CTNNA2: variants seen among roughly 807,000 people sequenced by gnomAD.
CTNNA2 encodes catenin alpha-2.
Under a neutral mutation model 101.0 loss-of-function variants are expected in CTNNA2, and 42 were observed. The observed-to-expected ratio is 0.42, with a 90% confidence interval of 0.32 to 0.54. The LOEUF (loss-of-function observed/expected upper bound fraction) is 0.54. Ranked by LOEUF, CTNNA2 falls within the 20% of genes least tolerant of loss-of-function variation. The probability of loss-of-function intolerance (pLI) is 0.14; values close to 1 mark genes in which losing one functional copy is unlikely to be tolerated. For missense variants in CTNNA2, 871 were observed against 1,223.1 expected, an observed-to-expected ratio of 0.71 and a Z score of 4.29; for synonymous variants, 450 against 456.4, an observed-to-expected ratio of 0.99 and a Z score of 0.18.
chr2:79,775,309 T>G (rs1251347266), intron 3 of CTNNA2, among the ~76,000 whole-genome samples: 2 of 152,202 alleles, frequency 1.3e-5, no homozygotes, highest in African/African-American at 4.8e-5. Context: ...TTTCTCTCTA[T>G]TTTTAACTTT....
At chr2:80,254,274 A>T (rs1671975868) in intron 7 of CTNNA2, among the ~76,000 whole-genome samples, 1 of 152,254 alleles carries the variant, frequency 6.6e-6, no homozygotes, top group South Asian at 2.1e-4. Context: ...TATTCATTTT[A>T]TAAGCCCCTA....
At chr2:80,624,904 A>G (rs558913744) in intron 18 of CTNNA2, among the ~76,000 whole-genome samples, 1 of 152,044 alleles carries the variant, frequency 6.6e-6, no homozygotes, top group Admixed American at 6.6e-5. Context: ...GTTCTTACAG[A>G]TATCTCTTGC....
rs758818667 is a variant in CTNNA2, at chr2:79,376,900, C to G, written c.-135+2887C>G. Among the ~76,000 whole-genome samples the G allele has an allele frequency of 9.9e-5, 15 of 152,098 alleles. 1 individual carries two copies. Among genetic ancestry groups the G allele is most frequent in the Non-Finnish European group, 1.9e-4 (13 of 68,028 alleles). Reference sequence around the variant, plus strand: ...TAGTCTATCATTGTTGGACATTTGGCTTGGTTCCAAGTCTTTGCTATTGTG... The same window carrying G: ...TAGTCTATCATTGTTGGACATTTGGGTTGGTTCCAAGTCTTTGCTATTGTG... On this transcript the variant is annotated intron_variant, in intron 4 of 21. Coordinates refer to the CTNNA2 transcript ENST00000466387.
intron 3 of CTNNA2, among the ~76,000 whole-genome samples, chr2:79,829,874 C>T (rs1057068869): frequency 3.3e-5 from 5 of 151,930 alleles, no homozygotes; most frequent in African/African-American, 4.8e-5. Context: ...CGCCTGCCAC[C>T]ACGCCCGGCT....
intron 7 of CTNNA2, among the ~76,000 whole-genome samples, chr2:80,383,939 T>C (rs961960025): frequency 1.3e-5 from 2 of 152,128 alleles, no homozygotes; most frequent in Non-Finnish European, 2.9e-5. Context: ...AACGGTAGAA[T>C]GGATAAAGAA....
chr2:80,532,898 C>T (rs550855286), intron 9 of CTNNA2, among the ~76,000 whole-genome samples: 1 of 152,032 alleles, frequency 6.6e-6, no homozygotes, highest in Non-Finnish European at 1.5e-5. Context: ...AAGAGCTGTA[C>T]CCCAGAGGTA....
intron 1 of CTNNA2, among the ~76,000 whole-genome samples, chr2:79,517,402 A>T (rs1001325544): frequency 1.3e-5 from 2 of 152,186 alleles, no homozygotes; most frequent in Admixed American, 6.5e-5. Context: ...TCTGTTTTGT[A>T]GTTCAAATAA....
intron 2 of CTNNA2, among the ~76,000 whole-genome samples, chr2:79,211,185 C>T (rs1341056233): frequency 6.6e-6 from 1 of 152,214 alleles, no homozygotes; most frequent in Non-Finnish European, 1.5e-5. Context: ...TTCACACTCT[C>T]CCTTCTCATT....
intron 7 of CTNNA2, among the ~76,000 whole-genome samples, chr2:79,911,430 T>C (rs571879978): frequency 5.8e-4 from 89 of 152,344 alleles, no homozygotes; most frequent in African/African-American, 2.1e-3. Context: ...AGTATGTTCT[T>C]CTAAATAGAA....
intron 15 of CTNNA2, among the ~76,000 whole-genome samples, chr2:80,602,469 A>G (rs1261554263): frequency 6.6e-6 from 1 of 152,094 alleles, no homozygotes; most frequent in African/African-American, 2.4e-5. Context: ...AACAGAATGC[A>G]GTCTTATTGA....
At chr2:80,589,066 A>T (rs1439729177) in intron 14 of CTNNA2, among the ~76,000 whole-genome samples, 1 of 152,180 alleles carries the variant, frequency 6.6e-6, no homozygotes, top group Non-Finnish European at 1.5e-5. Flanking sequence ...GCCAGTGCGC[A>T]CGTAGCTTTG....
intron 7 of CTNNA2, among the ~76,000 whole-genome samples, chr2:80,247,123 A>C (rs183225843): frequency 6.6e-6 from 1 of 152,300 alleles, no homozygotes; most frequent in East Asian, 1.9e-4. Context: ...GCACATTGCA[A>C]GGGAAGGATG....
intron 2 of CTNNA2, among the ~76,000 whole-genome samples, chr2:79,277,598 A>AAGTTCTATG (rs1434510427): frequency 6.6e-6 from 1 of 152,088 alleles, no homozygotes; most frequent in Non-Finnish European, 1.5e-5. Flanking sequence ...ATTTTTACAA[A>AAGTTCTATG]AGTTCTATGA....
intron 3 of CTNNA2, among the ~76,000 whole-genome samples, chr2:79,820,995 A>G (rs1677955963): frequency 6.6e-6 from 1 of 152,184 alleles, no homozygotes; most frequent in South Asian, 2.1e-4. Context: ...ACATTCATCA[A>G]GTTTTCATAC....
chr2:80,575,188 T>G (rs1237931366), intron 13 of CTNNA2: 1 of 151,794 alleles, frequency 6.6e-6, no homozygotes, highest in African/African-American at 2.4e-5. Context: ...CTATTATATT[T>G]GAAGCAGAGG....
At chr2:79,669,038 G>A (rs1258401262) in intron 2 of CTNNA2, among the ~76,000 whole-genome samples, 5 of 151,990 alleles carry the variant, frequency 3.3e-5, no homozygotes, top group Non-Finnish European at 5.9e-5. Flanking sequence ...ATCTCACGTG[G>A]AGATCTTGCA....
At chr2:79,664,779 T>G (rs1682290658) in intron 2 of CTNNA2, among the ~76,000 whole-genome samples, 1 of 142,878 alleles carries the variant, frequency 7.0e-6, no homozygotes, top group South Asian at 2.3e-4. Flanking sequence ...TGGCGCGATC[T>G]CGGCTCACTG....
chr2:80,281,849 GTAATA>G (rs1674409032), intron 7 of CTNNA2, among the ~76,000 whole-genome samples: 1 of 151,886 alleles, frequency 6.6e-6, no homozygotes, highest in African/African-American at 2.4e-5. Flanking sequence ...TATGGTTAGT[GTAATA>G]TAATGCATTA....
chr2:80,497,178 T>C (rs575994599), intron 9 of CTNNA2, among the ~76,000 whole-genome samples: 1 of 152,358 alleles, frequency 6.6e-6, no homozygotes, highest in East Asian at 1.9e-4. Flanking sequence ...TCAAACTCTT[T>C]TTATTTTACT....
Sources: gnomAD v4.1 joint callset for allele counts (sites outside exome capture counted in the v4.1 genomes callset) on GRCh38, gnomAD v4.1.1 for gene constraint, MANE v1.5 for transcripts, NCBI Gene and HGNC (gene_info 2026-07-23, HGNC 2026-07-21) for gene names.